The following MARCHF1 variants were observed in gnomAD, a reference collection of about 807,000 sequenced individuals.
The protein encoded by MARCHF1 is membrane associated ring-CH-type finger 1, also known as E3 ubiquitin-protein ligase MARCHF1.
A neutral mutation model predicts 54.2 loss-of-function variants in MARCHF1; 40 were observed. That is an observed-to-expected ratio of 0.74 (90% CI 0.57 to 0.96). MARCHF1 has a LOEUF of 0.96. Among genes scored for constraint, MARCHF1 ranks in the 40% least tolerant of loss-of-function variants. MARCHF1 has a pLI of 0.00. For missense variants in MARCHF1, 586 were observed against 656.5 expected (o/e 0.89, Z 1.17); for synonymous variants, 236 against 236.3 (o/e 1.00, Z 0.01).
chr4:164,234,399 T>C (rs1399263625), intron 1 of MARCHF1, among the ~76,000 whole-genome samples: 1 of 152,136 alleles, frequency 6.6e-6, no homozygotes, highest in Non-Finnish European at 1.5e-5. Context: ...AATTTAAACA[T>C]TTTTAAAATA....
chr4:163,980,061 C>G (rs1163923652), intron 3 of MARCHF1, among the ~76,000 whole-genome samples: 5 of 149,882 alleles, frequency 3.3e-5, no homozygotes, highest in Non-Finnish European at 7.4e-5. Flanking sequence ...ATCGCCAAGT[C>G]AATCCTAAGC....
In MARCHF1 at chr4:163,623,848, C is replaced by G. The variant is rs140487128; in HGVS notation, c.163-10455G>C. Among the ~76,000 whole-genome samples, 1,428 of 152,236 alleles carry G rather than the reference C, an allele frequency of 9.4e-3. 17 individuals are homozygous for G. Among genetic ancestry groups the G allele is most frequent in the African/African-American group, 0.032 (1,338 of 41,536 alleles). The stretch of plus-strand genomic sequence containing the variant: ...CTAAATCCCCTACCTGCACCAACAT[C>G]CTTGTCACAAGCAGTGCTTTGAGGA... On this transcript the variant is annotated intron_variant, in intron 5 of 9. Transcript: ENST00000514618.
chr4:163,814,190 G>C (rs769108878), intron 4 of MARCHF1, among the ~76,000 whole-genome samples: 5 of 152,084 alleles, frequency 3.3e-5, no homozygotes, highest in Non-Finnish European at 7.3e-5. Flanking sequence ...TTGCCCTTTC[G>C]ACCCTCACAT....
intron 1 of MARCHF1, among the ~76,000 whole-genome samples, chr4:164,336,473 A>T (rs1729744913): frequency 6.6e-6 from 1 of 152,216 alleles, no homozygotes; most frequent in Non-Finnish European, 1.5e-5. Flanking sequence ...CATTTATTTT[A>T]TAATACATTG....
At position 163,743,127 on chromosome 4, in the gene MARCHF1, A is replaced by G. The variant is rs375028699; in HGVS notation, c.112-42264T>C. Among the ~76,000 whole-genome samples the G allele has an allele frequency of 2.1e-4, 32 of 152,324 alleles. 1 individual carries two copies. In the South Asian group the frequency reaches 6.6e-3, roughly 32 times the overall value. ...CCTTGATTCCAATTTTAGAAGAGCT[A>G]CTGGGGGAAGAGGACAGAGGTGAAG... On this transcript the variant is annotated intron_variant, in intron 4 of 9. Transcript: ENST00000514618.
intron 1 of MARCHF1, among the ~76,000 whole-genome samples, chr4:164,288,359 C>G (rs1420560225): frequency 1.3e-5 from 2 of 151,864 alleles, no homozygotes; most frequent in Non-Finnish European, 2.9e-5. Context: ...AAATTAATTG[C>G]AAGAATGAAG....
chr4:163,968,058 A>G (rs1275856748), intron 3 of MARCHF1, among the ~76,000 whole-genome samples: 1 of 152,208 alleles, frequency 6.6e-6, no homozygotes, highest in Non-Finnish European at 1.5e-5. Flanking sequence ...TTAATTAAGA[A>G]TTCATAAAAA....
chr4:164,011,903 G>T (rs758606460), intron 2 of MARCHF1, among the ~76,000 whole-genome samples: 17 of 152,128 alleles, frequency 1.1e-4, no homozygotes, highest in Non-Finnish European at 2.5e-4. Context: ...AATGTGTTTT[G>T]TGGGGAGGGA....
chr4:163,756,923 T>C (rs1746692642), intron 4 of MARCHF1, among the ~76,000 whole-genome samples: 1 of 151,722 alleles, frequency 6.6e-6, no homozygotes, highest in Non-Finnish European at 1.5e-5. Flanking sequence ...GGATATATTT[T>C]TTCAAAAGGC....
intron 3 of MARCHF1, among the ~76,000 whole-genome samples, chr4:163,861,494 A>G (rs1369505258): frequency 6.6e-6 from 1 of 152,150 alleles, no homozygotes; most frequent in Non-Finnish European, 1.5e-5. Flanking sequence ...TACTTTTAAC[A>G]GCATCAAATA....
intron 2 of MARCHF1, among the ~76,000 whole-genome samples, chr4:164,110,474 A>G (rs1044733676): frequency 6.6e-6 from 1 of 151,812 alleles, no homozygotes; most frequent in African/African-American, 2.4e-5. Context: ...AAAAATTTCT[A>G]AAATCTATTC....
At chr4:164,239,687 A>C (rs74916483) in intron 1 of MARCHF1, among the ~76,000 whole-genome samples, 2,976 of 152,306 alleles carry the variant, frequency 0.02, 98 homozygotes, top group East Asian at 0.12. Flanking sequence ...CAACATTTCC[A>C]GTAATGACAC....
At chr4:163,563,301 AG>A (rs1360773190) in intron 8 of MARCHF1, among the ~76,000 whole-genome samples, 2 of 152,252 alleles carry the variant, frequency 1.3e-5, no homozygotes, top group African/African-American at 4.8e-5. Flanking sequence ...TAGATAAGAA[AG>A]GGGTGGCTAA....
At chr4:164,076,244 A>AC (rs1754977868) in intron 2 of MARCHF1, among the ~76,000 whole-genome samples, 1 of 152,216 alleles carries the variant, frequency 6.6e-6, no homozygotes, top group African/African-American at 2.4e-5. Context: ...TGAACAAAAA[A>AC]TAAAAAATTA....
At chr4:163,949,346 A>T (rs903322584) in intron 3 of MARCHF1, among the ~76,000 whole-genome samples, 2 of 152,144 alleles carry the variant, frequency 1.3e-5, no homozygotes, top group African/African-American at 4.8e-5. Context: ...AAGCTTGGAG[A>T]TGACAGGAAC....
intron 1 of MARCHF1, among the ~76,000 whole-genome samples, chr4:164,322,602 G>A (rs1436666949): frequency 6.6e-6 from 1 of 151,970 alleles, no homozygotes; most frequent in African/African-American, 2.4e-5. Flanking sequence ...AAGGATAAAT[G>A]CTTGAAGGGA....
At chr4:163,721,258 A>G (rs1045793807) in intron 4 of MARCHF1, among the ~76,000 whole-genome samples, 2 of 152,214 alleles carry the variant, frequency 1.3e-5, no homozygotes, top group African/African-American at 2.4e-5. Context: ...AATTTTGTCA[A>G]AGGTCTTCTC....
chr4:163,636,668 G>T lies in MARCHF1; in HGVS notation c.163-23275C>A, dbSNP rs1398668150. On this transcript the variant is annotated intron_variant, in intron 5 of 9. Transcript: ENST00000514618. ...TCAATATTGTGAAAATGGCCATACT[G>T]CCCAAGGTAATTTACAGATTCAATG... Among the ~76,000 whole-genome samples the T allele has an allele frequency of 2.0e-5, 3 of 151,886 alleles. No individual in the cohort carries two copies. The South Asian group carries it at 6.2e-4, about 32-fold the overall frequency.
intron 1 of MARCHF1, among the ~76,000 whole-genome samples, chr4:164,213,877 C>A (rs1408731709): frequency 2.0e-5 from 3 of 151,852 alleles, no homozygotes; most frequent in African/African-American, 7.2e-5. Flanking sequence ...AAATAATCTT[C>A]ATCTTAATAA....
Sources: gnomAD v4.1 joint callset for allele counts (sites outside exome capture counted in the v4.1 genomes callset) on GRCh38, gnomAD v4.1.1 for gene constraint, MANE v1.5 for transcripts, NCBI Gene and HGNC (gene_info 2026-07-23, HGNC 2026-07-21) for gene names.